Variants in LDB2 observed in about 807,000 individuals in gnomAD.
LDB2 encodes LIM domain-binding protein 2.
LDB2 carries 12 observed loss-of-function variants against 44.3 expected under a neutral mutation model. That is an observed-to-expected ratio of 0.27 (90% CI 0.17 to 0.44). The LOEUF is 0.44. LDB2 is among the 20% of genes least tolerant of loss of function. The pLI is 1.00. For synonymous variants in LDB2, 164 were observed against 174.8 expected, an observed-to-expected ratio of 0.94 and a Z score of 0.49; for missense variants, 344 against 473.5, an observed-to-expected ratio of 0.73 and a Z score of 2.54.
At chr4:16,639,750 G>T (rs1020377784) in intron 2 of LDB2, among the ~76,000 whole-genome samples, 1 of 152,150 alleles carries the variant, frequency 6.6e-6, no homozygotes, top group East Asian at 1.9e-4. Context: ...GTGAGCCACC[G>T]TACCCAGAGT....
chr4:16,508,511 G>A (rs1467845673), intron 7 of LDB2, 24 bp downstream of exon 7: 5 of 1,530,234 alleles, frequency 3.3e-6, no homozygotes, highest in East Asian at 4.8e-5. Context: ...AGGATTTCGG[G>A]CCTAAGAGGA....
chr4:16,857,942 A>G (rs527635714), intron 1 of LDB2, among the ~76,000 whole-genome samples: 1 of 152,148 alleles, frequency 6.6e-6, no homozygotes, highest in African/African-American at 2.4e-5. Flanking sequence ...ACCTAAAATA[A>G]TGCCTGGGAC....
chr4:16,671,998 G>T (rs1476767052), intron 2 of LDB2, among the ~76,000 whole-genome samples: 2 of 152,224 alleles, frequency 1.3e-5, no homozygotes, highest in East Asian at 3.9e-4. Context: ...CTGCCTCCTG[G>T]CTCTCTGGAG....
At chr4:16,747,944 A>T (rs1764714599) in intron 2 of LDB2, among the ~76,000 whole-genome samples, 1 of 152,152 alleles carries the variant, frequency 6.6e-6, no homozygotes. Flanking sequence ...TTTCAAAGTA[A>T]AAAAAGACAA....
chr4:16,588,852 C>A lies in LDB2; in HGVS notation c.409-20G>T. 6.2e-7 allele frequency: 1 copy of A among 1,612,028 alleles called. No individual in the cohort carries two copies. Among genetic ancestry groups the A allele is most frequent in the Non-Finnish European group, 8.5e-7 (1 of 1,179,216 alleles). On this transcript the variant is annotated intron_variant, in intron 3 of 7. Coordinates refer to ENST00000304523, the MANE Select transcript of LDB2 (RefSeq NM_001290.5). ...ACATACCTGGAAGTGACAAACCACA[C>A]AGTCATTCATTACGCACTTTGTGAA... is the stretch of plus-strand genomic sequence containing the variant.
chr4:16,796,925 C>A (rs1258010887), intron 1 of LDB2, among the ~76,000 whole-genome samples: 1 of 152,044 alleles, frequency 6.6e-6, no homozygotes. Flanking sequence ...GGTTAACAAA[C>A]ATAAGAAAAG....
At chr4:16,593,798 G>T (rs1719943382) in intron 3 of LDB2, among the ~76,000 whole-genome samples, 1 of 152,072 alleles carries the variant, frequency 6.6e-6, no homozygotes, top group Non-Finnish European at 1.5e-5. Context: ...GAAAATTTCA[G>T]GATAAGAAAG....
intron 5 of LDB2, chr4:16,581,450 T>C (rs1027015536): frequency 6.6e-5 from 65 of 985,128 alleles, no homozygotes; most frequent in Non-Finnish European, 7.7e-5. Flanking sequence ...TTTTGAATTA[T>C]ATCACTCAGC....
At chr4:16,547,830 CAAT>C (rs1384021144) in intron 5 of LDB2, among the ~76,000 whole-genome samples, 1 of 152,070 alleles carries the variant, frequency 6.6e-6, no homozygotes, top group African/African-American at 2.4e-5. Flanking sequence ...TAATACAGGC[CAAT>C]AATAATACTC....
Position 16,898,388 on chromosome 4 carries a change from T to C in LDB2, c.98A>G (p.Tyr33Cys), listed in dbSNP as rs1270291656. The change falls in exon 1 of 8, where the codon TAT (tyrosine) becomes TGT (cysteine). Residue 33 changes from tyrosine (Y) to cysteine (C), a missense_variant. By Grantham distance (194) the Tyr-to-Cys change is radical. Around this residue, in one of 3 missense-constraint regions of LDB2, gnomAD observed 226 missense variants for 270.1 expected, o/e 0.84. Coordinates refer to ENST00000304523, the MANE Select transcript of LDB2 (RefSeq NM_001290.5). ...AGACTGCAGTCTCTTGTTCATCTCA[T>C]AGATTCGGTACTCTGGCTGTACCAT... ...PYMVQPEYRI[Y>C]EMNKRLQSRT... 3 of 1,613,766 alleles carry C rather than the reference T, an allele frequency of 1.9e-6. No homozygotes were observed. Among genetic ancestry groups the C allele is most frequent in the Non-Finnish European group, 2.5e-6 (3 of 1,179,846 alleles).
intron 5 of LDB2, among the ~76,000 whole-genome samples, chr4:16,515,913 G>C (rs898038845): frequency 4.0e-5 from 6 of 151,860 alleles, no homozygotes; most frequent in Non-Finnish European, 8.8e-5. Flanking sequence ...GCCCAGGCTG[G>C]AGTGCAGTGG....
chr4:16,674,058 C>T (rs151020723), intron 2 of LDB2: 2 of 365,770 alleles, frequency 5.5e-6, no homozygotes, highest in Non-Finnish European at 1.1e-5. Context: ...TTAGTGTTTA[C>T]CAAGTGCTCT....
intron 2 of LDB2, among the ~76,000 whole-genome samples, chr4:16,706,857 T>A (rs1754725170): frequency 1.3e-5 from 2 of 152,054 alleles, no homozygotes; most frequent in Admixed American, 6.6e-5. Context: ...GCAGATAGGG[T>A]GACAGGGATC....
At chr4:16,787,375 G>T (rs1430687316) in intron 1 of LDB2, among the ~76,000 whole-genome samples, 1 of 152,176 alleles carries the variant, frequency 6.6e-6, no homozygotes, top group Non-Finnish European at 1.5e-5. Flanking sequence ...CATTTTGGGA[G>T]GCCAAGGTGG....
chr4:16,815,262 C>A (rs1461621654), intron 1 of LDB2, among the ~76,000 whole-genome samples: 1 of 152,150 alleles, frequency 6.6e-6, no homozygotes, highest in Non-Finnish European at 1.5e-5. Flanking sequence ...TTTAACCAGG[C>A]CAAATACTTC....
At chr4:16,716,008 C>T (rs1158338247) in intron 2 of LDB2, among the ~76,000 whole-genome samples, 2 of 152,214 alleles carry the variant, frequency 1.3e-5, no homozygotes, top group South Asian at 4.2e-4. Flanking sequence ...CAGATTTCTC[C>T]CAGTAACTTC....
intron 1 of LDB2, among the ~76,000 whole-genome samples, chr4:16,846,999 C>G (rs995495297): frequency 6.6e-6 from 1 of 152,144 alleles, no homozygotes; most frequent in African/African-American, 2.4e-5. Context: ...AGACTCCACT[C>G]TATTTTAATT....
intron 5 of LDB2, among the ~76,000 whole-genome samples, chr4:16,572,440 T>C (rs1039165081): frequency 2.6e-4 from 39 of 152,190 alleles, no homozygotes; most frequent in Non-Finnish European, 4.9e-4. Context: ...GAAATTACTT[T>C]CTTTAATCTA....
intron 1 of LDB2, among the ~76,000 whole-genome samples, chr4:16,795,242 T>A (rs1476092029): frequency 6.6e-6 from 1 of 152,054 alleles, no homozygotes; most frequent in Admixed American, 6.5e-5. Context: ...AAGAGAAGCA[T>A]GTCAGATGTG....
Sources: allele counts gnomAD v4.1 joint callset (sites outside exome capture counted in the v4.1 genomes callset), GRCh38; gene constraint gnomAD v4.1.1; regional missense constraint gnomAD v4.1.1; transcripts MANE v1.5; gene names NCBI Gene and HGNC (gene_info 2026-07-23, HGNC 2026-07-21).